The following PLXNC1 variants were observed in gnomAD, a reference collection of about 807,000 sequenced individuals.
PLXNC1 encodes plexin C1.
PLXNC1 carries 75 observed loss-of-function variants against 178.2 expected under a neutral mutation model. The ratio of observed to expected loss-of-function variants is 0.42; its 90% confidence interval spans 0.35 to 0.51. The LOEUF (loss-of-function observed/expected upper bound fraction) is 0.51, where lower values mean the gene tolerates loss of function less well. PLXNC1 is among the 20% of genes least tolerant of loss of function. The probability of loss-of-function intolerance (pLI) is 0.02; values close to 1 mark genes in which losing one functional copy is unlikely to be tolerated. For synonymous variants in PLXNC1, 790 were observed against 779.9 expected, an observed-to-expected ratio of 1.01 and a Z score of -0.22; for missense variants, 1,503 against 1,984.4, an observed-to-expected ratio of 0.76 and a Z score of 4.61.
At chr12:94,217,259 T>G (rs1963671934) in intron 5 of PLXNC1, among the ~76,000 whole-genome samples, 1 of 152,136 alleles carries the variant, frequency 6.6e-6, no homozygotes, top group African/African-American at 2.4e-5. Context: ...CTCTCCTCCT[T>G]CTCTGTGGCC....
chr12:94,188,753 G>A (rs1442976720), intron 4 of PLXNC1, among the ~76,000 whole-genome samples: 1 of 152,350 alleles, frequency 6.6e-6, no homozygotes, highest in South Asian at 2.1e-4. Context: ...TTCAGCAGGT[G>A]GAAGAAAATA....
At chr12:94,255,378 T>C in intron 17 of PLXNC1, 82 bp downstream of exon 17, 1 of 968,984 alleles carries the variant, frequency 1.0e-6, no homozygotes, top group South Asian at 1.3e-5. Context: ...AAACGAGTGT[T>C]TGCTTCCAAG....
intron 2 of PLXNC1, among the ~76,000 whole-genome samples, chr12:94,171,988 AT>A (rs1461539615): frequency 2.0e-5 from 3 of 152,164 alleles, no homozygotes; most frequent in Non-Finnish European, 1.5e-5. Flanking sequence ...TAGCCCCTGA[AT>A]TTACCCAGAA....
At chr12:94,150,168 C>A in intron 1 of PLXNC1, 135 bp downstream of exon 1, 1 of 749,712 alleles carries the variant, frequency 1.3e-6, no homozygotes, top group Non-Finnish European at 2.0e-6. Context: ...CTCAGGTTCA[C>A]ACCGCGGGCG....
At chr12:94,196,564 G>A (rs576586792) in intron 4 of PLXNC1, among the ~76,000 whole-genome samples, 1 of 152,260 alleles carries the variant, frequency 6.6e-6, no homozygotes. Flanking sequence ...AAATTATCCA[G>A]TCTCAGGTAT....
intron 1 of PLXNC1, among the ~76,000 whole-genome samples, chr12:94,157,888 TA>T (rs1961233934): frequency 6.6e-6 from 1 of 152,242 alleles, no homozygotes; most frequent in Non-Finnish European, 1.5e-5. Context: ...TGTGTTCCAT[TA>T]AAATGTTATG....
Position 94,166,265 on chromosome 12 carries a change from C to T in PLXNC1, c.1063-2888C>T, listed in dbSNP as rs1007787183. ...CTGTTCTAAGCTTTACTGAGGCTTA[C>T]GCACAAACTCACCCAGTCCTCATAA... is the stretch of plus-strand genomic sequence containing the variant. On this transcript the variant is annotated intron_variant, in intron 1 of 30. Coordinates refer to ENST00000258526, the MANE Select transcript of PLXNC1 (RefSeq NM_005761.3). 7.4e-5 allele frequency among the ~76,000 whole-genome samples: 11 copies of T among 149,342 alleles called. No homozygotes were observed. In the South Asian group the frequency reaches 1.0e-3, roughly 14 times the overall value.
intron 20 of PLXNC1, among the ~76,000 whole-genome samples, chr12:94,263,282 G>A (rs890964385): frequency 6.6e-6 from 1 of 151,824 alleles, no homozygotes; most frequent in African/African-American, 2.4e-5. Context: ...CAGCTCTGTA[G>A]GTCTAGAGTG....
chr12:94,232,790 C>A (rs1268967869), intron 9 of PLXNC1, among the ~76,000 whole-genome samples: 2 of 152,246 alleles, frequency 1.3e-5, no homozygotes, highest in East Asian at 3.9e-4. Context: ...CTGTGCCATG[C>A]CCTGAGCTCA....
chr12:94,212,359 G>C lies in PLXNC1; in HGVS notation c.1554+2655G>C, dbSNP rs571632565. Among the ~76,000 whole-genome samples the C allele has an allele frequency of 1.8e-4, 27 of 151,762 alleles. No homozygotes were observed. The South Asian group carries it at 5.4e-3, about 30-fold the overall frequency. On this transcript the variant is annotated intron_variant, in intron 5 of 30. Transcript: ENST00000258526. ...TATTTATTATACTTTAAGTTCTAGG[G>C]TACATGTGCACAACGTGCAGTTTTG...
chr12:94,247,979 T>G lies in PLXNC1; in HGVS notation c.2465T>G (p.Val822Gly). The part of the protein sequence containing the change: ...SLKSSKVRTN[V>G]TVKLRVQDTY... ...AAGAGTTCAAAAGTGCGCACGAATG[T>G]CACTGTGAAGCTGAGAGTACAAGAC... The change falls in exon 13 of 31, where the codon GTC (valine) becomes GGC (glycine). Residue 822 changes from valine to glycine, a missense_variant. Coordinates refer to ENST00000258526, the MANE Select transcript of PLXNC1 (RefSeq NM_005761.3). 6.2e-7 allele frequency: 1 copy of G among 1,614,184 alleles called. No individual in the cohort carries two copies. The highest frequency in any genetic ancestry group is 1.1e-5 in the South Asian group (1 of 91,084).
At position 94,207,225 on chromosome 12, in the gene PLXNC1, TG is replaced by T. The variant is rs1190082918; in HGVS notation, c.1440-2364del. ...GAATAGGAGTTCAGAGGTGGTGGGT[TG>T]TTTTTTTATATATATATAAAAACAA... On this transcript the variant is annotated intron_variant, in intron 4 of 30. Transcript: ENST00000258526. 1.3e-4 allele frequency among the ~76,000 whole-genome samples: 20 copies of T among 152,256 alleles called. 1 individual carries two copies. Among genetic ancestry groups the T allele is most frequent in the African/African-American group, 3.9e-4 (16 of 41,544 alleles).
intron 2 of PLXNC1, among the ~76,000 whole-genome samples, chr12:94,176,848 G>T (rs1008132218): frequency 6.6e-6 from 1 of 151,644 alleles, no homozygotes; most frequent in Non-Finnish European, 1.5e-5. Flanking sequence ...ATGTAAATAT[G>T]TCTATATTTA....
At position 94,260,756 on chromosome 12, in the gene PLXNC1, G is replaced by A. The variant is rs1264327003; in HGVS notation, c.3366G>A (p.Pro1122=). The A allele has an allele frequency of 4.3e-6, 7 of 1,614,044 alleles. No homozygotes were observed. The highest frequency in any genetic ancestry group is 3.3e-5 in the Admixed American group (2 of 60,006). Residue 1122 remains proline, a synonymous_variant, in exon 20 of 31, where the codon CCG becomes CCA. Coordinates refer to ENST00000258526, the MANE Select transcript of PLXNC1 (RefSeq NM_005761.3). The surrounding 1 kb of genome is among the most constrained non-coding windows in gnomAD (Gnocchi z 4.4). ...DLMEQCSNMQ[P]KLMLRRTESV... Reference sequence around the variant, plus strand: ...TGGAACAGTGTAGTAACATGCAGCCGAAACTCATGCTGAGACGCACGGAGT... The same window carrying A: ...TGGAACAGTGTAGTAACATGCAGCCAAAACTCATGCTGAGACGCACGGAGT...
intron 24 of PLXNC1, among the ~76,000 whole-genome samples, 190 bp from the exon 25 acceptor site, chr12:94,296,999 C>A (rs1025327294): frequency 6.6e-6 from 1 of 152,188 alleles, no homozygotes; most frequent in Non-Finnish European, 1.5e-5. Context: ...CCTCACCCGT[C>A]CCATCTTCAC....
At chr12:94,227,025 A>G (rs1963959878) in intron 8 of PLXNC1, 124 bp from the exon 9 acceptor site, 3 of 709,174 alleles carry the variant, frequency 4.2e-6, no homozygotes, top group Non-Finnish European at 4.9e-6. Flanking sequence ...CTCCGTCTCA[A>G]AAAAAAAAGG....
At chr12:94,257,586 C>T (rs1286273693) in intron 17 of PLXNC1, among the ~76,000 whole-genome samples, 3 of 152,058 alleles carry the variant, frequency 2.0e-5, no homozygotes, top group Non-Finnish European at 4.4e-5. Context: ...CCAGCCTGGC[C>T]AACATGGTGA....
intron 9 of PLXNC1, among the ~76,000 whole-genome samples, chr12:94,232,390 C>T (rs1034665061): frequency 2.0e-5 from 3 of 152,098 alleles, no homozygotes; most frequent in Admixed American, 6.5e-5. Context: ...CACCCGGCCC[C>T]TCCATCACTT....
At chr12:94,199,623 C>T (rs1047552628) in intron 4 of PLXNC1, among the ~76,000 whole-genome samples, 3 of 152,134 alleles carry the variant, frequency 2.0e-5, no homozygotes, top group African/African-American at 7.2e-5. Context: ...GGTTCTCTAC[C>T]TCCTTTTTCA....
Sources: allele counts gnomAD v4.1 joint callset (sites outside exome capture counted in the v4.1 genomes callset), GRCh38; gene constraint gnomAD v4.1.1; non-coding constraint Gnocchi (gnomAD v3.1); transcripts MANE v1.5; gene names NCBI Gene and HGNC (gene_info 2026-07-23, HGNC 2026-07-21).